Variants in RFC1 observed in about 807,000 individuals in gnomAD.
The protein encoded by RFC1 is replication factor C subunit 1, also known as A1 140 kDa subunit.
A neutral mutation model predicts 137.4 loss-of-function variants in RFC1; 37 were observed. The ratio of observed to expected loss-of-function variants is 0.27; its 90% CI spans 0.21 to 0.35. The LOEUF is 0.35. Among genes scored for constraint, RFC1 ranks in the 10% least tolerant of loss-of-function variants. The pLI, the probability that RFC1 is intolerant of heterozygous loss-of-function variation, is 1.00. For missense variants in RFC1, 1,205 were observed against 1,358.5 expected, an observed-to-expected ratio of 0.89 and a Z score of 1.78; for synonymous variants, 429 against 455.7, an observed-to-expected ratio of 0.94 and a Z score of 0.75.
intron 2 of RFC1, among the ~76,000 whole-genome samples, chr4:39,348,770 C>T (rs1741036379): frequency 1.3e-5 from 2 of 152,150 alleles, no homozygotes; most frequent in South Asian, 4.1e-4. Flanking sequence ...CCACCCAAAG[C>T]CTTGTGGGCA....
chr4:39,321,566 G>A, intron 7 of RFC1, 192 bp from the exon 8 acceptor site: 1 of 535,754 alleles, frequency 1.9e-6, no homozygotes, highest in South Asian at 2.5e-5. Flanking sequence ...TGTTACAAAT[G>A]AGGAAACAGA....
intron 22 of RFC1, among the ~76,000 whole-genome samples, chr4:39,294,720 AG>A (rs765452237): frequency 1.5e-4 from 23 of 151,586 alleles, no homozygotes; most frequent in Non-Finnish European, 2.9e-4. Flanking sequence ...ATGAATCCAT[AG>A]GCCAGGCATG....
At chr4:39,298,306 T>TAAAA (rs1738142537) in intron 21 of RFC1, among the ~76,000 whole-genome samples, 1 of 8,752 alleles carries the variant, frequency 1.1e-4, no homozygotes, top group Non-Finnish European at 3.4e-4. Flanking sequence ...AGACCTTGTC[T>TAAAA]CAAAAAAAAA....
At chr4:39,311,677 G>T in intron 11 of RFC1, 128 bp from the exon 12 acceptor site, 1 of 566,204 alleles carries the variant, frequency 1.8e-6, no homozygotes, top group Non-Finnish European at 3.0e-6. Context: ...AGATAACACT[G>T]GAATTAAAAA....
chr4:39,303,838 C>A (rs1351905629), intron 15 of RFC1, among the ~76,000 whole-genome samples: 1 of 152,158 alleles, frequency 6.6e-6, no homozygotes, highest in Non-Finnish European at 1.5e-5. Context: ...ATTTAATACT[C>A]CATTCTACAC....
At chr4:39,324,625 C>T (rs1186460875) in intron 6 of RFC1, among the ~76,000 whole-genome samples, 18 of 152,186 alleles carry the variant, frequency 1.2e-4, no homozygotes, top group Admixed American at 1.1e-3. Flanking sequence ...TGTTCTCTCA[C>T]AATAATACTT....
intron 4 of RFC1, among the ~76,000 whole-genome samples, chr4:39,331,188 T>C (rs1000055739): frequency 1.3e-5 from 2 of 152,212 alleles, no homozygotes; most frequent in East Asian, 1.9e-4. Context: ...ACCCAGTATA[T>C]GTTAAATTTC....
intron 21 of RFC1, among the ~76,000 whole-genome samples, chr4:39,296,238 CTTTT>C (rs1254857918): frequency 2.6e-5 from 3 of 116,538 alleles, no homozygotes; most frequent in East Asian, 4.9e-4. Flanking sequence ...TTTTCACTTT[CTTTT>C]TTTTTTTCTT....
At chr4:39,299,423 C>A (rs1738219726) in intron 21 of RFC1, among the ~76,000 whole-genome samples, 1 of 151,844 alleles carries the variant, frequency 6.6e-6, no homozygotes, top group South Asian at 2.1e-4. Flanking sequence ...CTGGTCTCGG[C>A]AAACACAGTG....
Position 39,366,254 on chromosome 4 carries a change from A to G in RFC1, c.-13T>C, listed in dbSNP as rs763418142. 9 of 1,542,944 alleles carry G rather than the reference A, an allele frequency of 5.8e-6. No homozygotes were observed. The highest frequency in any genetic ancestry group is 6.1e-6 in the Non-Finnish European group (7 of 1,144,010). ...AGCGGCTCACCATCGCAGCCCCAGG[A>G]TGAAGGCGCTGGCTGGCTGGCGGGT... On this transcript the variant is annotated 5_prime_UTR_variant, in exon 1 of 25. Coordinates refer to ENST00000349703, the MANE Select transcript of RFC1 (RefSeq NM_002913.5).
intron 2 of RFC1, among the ~76,000 whole-genome samples, chr4:39,349,786 C>T (rs1182255698): frequency 6.6e-6 from 1 of 152,164 alleles, no homozygotes; most frequent in Non-Finnish European, 1.5e-5. Context: ...AGGTAGATCA[C>T]CTGAGATCGG....
intron 2 of RFC1, among the ~76,000 whole-genome samples, chr4:39,349,163 C>T (rs959066108): frequency 2.0e-5 from 3 of 152,098 alleles, no homozygotes; most frequent in Admixed American, 2.0e-4. Context: ...AGACTTGATG[C>T]TGAAATGAGT....
At chr4:39,295,502 A>G in intron 22 of RFC1, 112 bp downstream of exon 22, 1 of 828,992 alleles carries the variant, frequency 1.2e-6, no homozygotes, top group Non-Finnish European at 1.8e-6. Context: ...TCATCTAGTT[A>G]CCAATAAAAT....
chr4:39,315,502 A>T (rs113818629), intron 10 of RFC1, among the ~76,000 whole-genome samples: 8 of 152,200 alleles, frequency 5.3e-5, no homozygotes, highest in Admixed American at 2.6e-4. Flanking sequence ...TTGTCCATCT[A>T]GTTCTGACTT....
intron 2 of RFC1, among the ~76,000 whole-genome samples, chr4:39,350,468 A>C (rs1322335215): frequency 6.6e-6 from 1 of 152,194 alleles, no homozygotes; most frequent in African/African-American, 2.4e-5. Flanking sequence ...GAAAACCAAA[A>C]ATTAAAAAAT....
chr4:39,314,043 G>A (rs1009102757), intron 10 of RFC1, among the ~76,000 whole-genome samples: 11 of 152,180 alleles, frequency 7.2e-5, no homozygotes, highest in Non-Finnish European at 1.6e-4. Context: ...TCTTTTAATA[G>A]AGAATTGAGA....
intron 22 of RFC1, among the ~76,000 whole-genome samples, chr4:39,294,691 G>T (rs981033905): frequency 2.7e-5 from 4 of 149,150 alleles, no homozygotes; most frequent in African/African-American, 7.4e-5. Context: ...AAAAAGAAAA[G>T]AAAAGAAAAA....
At chr4:39,343,512 G>A (rs1371609024) in intron 3 of RFC1, among the ~76,000 whole-genome samples, 1 of 152,174 alleles carries the variant, frequency 6.6e-6, no homozygotes, top group Non-Finnish European at 1.5e-5. Context: ...AGAACAAAGT[G>A]TGAGTACCTG....
At chr4:39,323,312 G>C (rs1284575000) in intron 7 of RFC1, 28 bp downstream of exon 7, 4 of 1,600,502 alleles carry the variant, frequency 2.5e-6, no homozygotes, top group Non-Finnish European at 3.4e-6. Context: ...TGTATATTCA[G>C]AACGCAAATA....
Sources: allele counts gnomAD v4.1 joint callset (sites outside exome capture counted in the v4.1 genomes callset), GRCh38; gene constraint gnomAD v4.1.1; transcripts MANE v1.5; gene names NCBI Gene and HGNC (gene_info 2026-07-23, HGNC 2026-07-21).